The following ZNF366 variants were observed in gnomAD, a reference collection of about 807,000 sequenced individuals.
ZNF366 encodes the protein dendritic cell-specific transcript protein.
In ZNF366, 20 loss-of-function variants were observed where a neutral mutation model predicts 47.2. That is an observed-to-expected ratio of 0.42 (90% CI 0.30 to 0.62). The LOEUF (loss-of-function observed/expected upper bound fraction) is 0.62. Among genes scored for constraint, ZNF366 ranks in the 20% least tolerant of loss-of-function variants. The pLI, the probability that ZNF366 is intolerant of heterozygous loss-of-function variation, is 0.16. For synonymous variants in ZNF366, 421 were observed against 395.1 expected, an observed-to-expected ratio of 1.07 and a Z score of -0.78; for missense variants, 987 against 976.3, an observed-to-expected ratio of 1.01 and a Z score of -0.15.
intron 3 of ZNF366, among the ~76,000 whole-genome samples, chr5:72,450,762 C>T (rs1404881104): frequency 6.6e-6 from 1 of 152,212 alleles, no homozygotes; most frequent in African/African-American, 2.4e-5. Flanking sequence ...ACTTGGCCTT[C>T]TCATCTTTCA....
chr5:72,501,678 AC>A (rs1210342399), intron 1 of ZNF366, among the ~76,000 whole-genome samples: 1 of 152,158 alleles, frequency 6.6e-6, no homozygotes, highest in African/African-American at 2.4e-5. Flanking sequence ...CCTATAACAA[AC>A]CAGAGAGCTG....
Position 72,460,809 on chromosome 5 carries a change from C to T in ZNF366, c.688G>A (p.Glu230Lys). The stretch of plus-strand genomic sequence containing the variant: ...ATCTGCACGTTCACGTCCACCCTCT[C>T]CACCTTCTGCTTGGTCTCCTCGCTC... ...QESEETKQKV[E>K]RVDVNVQIDD... Residue 230 changes from glutamate (E) to lysine (K), a missense_variant, in exon 2 of 5, where the codon GAG (glutamate) becomes AAG (lysine). Around this residue, in one of 3 missense-constraint regions of ZNF366, gnomAD observed 591 missense variants for 560.9 expected, o/e 1.05. Transcript: ENST00000318442. The T allele has an allele frequency of 6.2e-7, 1 of 1,614,206 alleles. No individual in the cohort carries two copies. The highest frequency in any genetic ancestry group is 8.5e-7 in the Non-Finnish European group (1 of 1,180,042).
rs771495060 is a variant in ZNF366 at position 72,461,451 on chromosome 5, C to T, written c.46G>A (p.Asp16Asn). The part of the protein sequence containing the change: ...KMIKDEDVHF[D>N]LAVKKTPSFP... ...GAGGGGGTCTTCTTCACAGCCAAGT[C>T]GAAATGCACATCCTCGTCTTTGATC... is the stretch of plus-strand genomic sequence containing the variant. Residue 16 changes from aspartate to asparagine, a missense_variant, in exon 2 of 5, where the codon GAC becomes AAC. Asp to Asn is a conservative substitution (Grantham distance 23). Transcript: ENST00000318442. 2.1e-5 allele frequency: 33 copies of T among 1,595,228 alleles called. No individual in the cohort carries two copies. The highest frequency in any genetic ancestry group is 1.4e-4 in the Admixed American group (8 of 58,368).
At position 72,461,109 on chromosome 5, in the gene ZNF366, C is replaced by A. The variant is rs746136677; in HGVS notation, c.388G>T (p.Asp130Tyr). 6.2e-7 allele frequency: 1 copy of A among 1,613,956 alleles called. No individual in the cohort carries two copies. Among genetic ancestry groups the A allele is most frequent in the South Asian group, 1.1e-5 (1 of 91,072 alleles). The change falls in exon 2 of 5, where the codon GAC (aspartate) becomes TAC (tyrosine). Residue 130 changes from aspartate to tyrosine, a missense_variant. Physicochemically the swap from Asp to Tyr is radical, Grantham distance 160. Coordinates refer to ENST00000318442, the MANE Select transcript of ZNF366 (RefSeq NM_152625.3). ...PRPKYDSQMI[D>Y]LCNVGFQFYR... ...AATTGGAAGCCCACGTTGCACAGGTCGATCATCTGAGAGTCATACTTGGGG... is the reference window on the plus strand; with the variant it reads ...AATTGGAAGCCCACGTTGCACAGGTAGATCATCTGAGAGTCATACTTGGGG...
chr5:72,461,413 G>A lies in ZNF366; in HGVS notation c.84C>T (p.Cys28=). The change falls in exon 2 of 5, where the codon TGC becomes TGT. Residue 28 remains cysteine, a synonymous_variant. Transcript: ENST00000318442. ...TTCCCCGAGAAGCCACTGGCTGCAG[G>A]CAGTGGGGAAAGGAGGGGGTCTTCT... ...AVKKTPSFPH[C]LQPVASRGKA... is the part of the protein sequence containing the mutation. The A allele has an allele frequency of 1.2e-6, 2 of 1,612,646 alleles. No individual in the cohort carries two copies. The highest frequency in any genetic ancestry group is 1.7e-6 in the Non-Finnish European group (2 of 1,178,820).
At chr5:72,507,180 G>A in intron 1 of ZNF366, 71 bp downstream of exon 1, 1 of 977,086 alleles carries the variant, frequency 1.0e-6, no homozygotes, top group Non-Finnish European at 1.2e-6. Flanking sequence ...ATTTTCTGTT[G>A]AAGATGCCCA....
At chr5:72,471,237 G>GA (rs111234382) in intron 1 of ZNF366, among the ~76,000 whole-genome samples, 43 of 152,250 alleles carry the variant, frequency 2.8e-4, no homozygotes, top group African/African-American at 1.0e-3. Context: ...ATTTTATGTA[G>GA]TAGACTTCTT....
At chr5:72,484,434 A>G (rs1469784551) in intron 1 of ZNF366, among the ~76,000 whole-genome samples, 1 of 148,822 alleles carries the variant, frequency 6.7e-6, no homozygotes, top group Non-Finnish European at 1.5e-5. Context: ...CAGTGAGCCG[A>G]GATCCCGCCA....
In ZNF366 at chr5:72,444,202, G is replaced by C. The variant is rs765206236; in HGVS notation, c.1789C>G (p.Arg597Gly). 5 of 1,613,438 alleles carry C rather than the reference G, an allele frequency of 3.1e-6. No homozygotes were observed. The highest frequency in any genetic ancestry group is 3.4e-6 in the Non-Finnish European group (4 of 1,180,024). The change falls in exon 5 of 5, where the codon CGC (arginine) becomes GGC (glycine). Residue 597 changes from arginine (R) to glycine (G), a missense_variant. Transcript: ENST00000318442. ...TGGAACACCGGCACCTTGGCCCGGC[G>C]CTTCTGAGAGAGGTCAAAGGGCTCC... The part of the protein sequence containing the change: ...QEEPFDLSQK[R>G]RAKVPVFQSD...
At chr5:72,456,146 T>C (rs1395279786) in intron 3 of ZNF366, among the ~76,000 whole-genome samples, 1 of 152,166 alleles carries the variant, frequency 6.6e-6, no homozygotes, top group Non-Finnish European at 1.5e-5. Flanking sequence ...GACCTTTCCC[T>C]AGTGCCTGGC....
At chr5:72,505,316 G>C (rs756914332) in intron 1 of ZNF366, among the ~76,000 whole-genome samples, 1 of 152,080 alleles carries the variant, frequency 6.6e-6, no homozygotes, top group African/African-American at 2.4e-5. Context: ...TTTATTCTTC[G>C]GGTAGCTAAA....
chr5:72,503,192 C>T (rs1437620063), intron 1 of ZNF366, among the ~76,000 whole-genome samples: 4 of 152,158 alleles, frequency 2.6e-5, no homozygotes, highest in Admixed American at 1.3e-4. Flanking sequence ...TTGTGATTTA[C>T]ATATGGTTCT....
chr5:72,498,393 T>C (rs77098009), intron 1 of ZNF366, among the ~76,000 whole-genome samples: 1,533 of 152,294 alleles, frequency 0.01, 18 homozygotes, highest in African/African-American at 0.035. Flanking sequence ...CCCATATACA[T>C]TTTAGTTCAC....
At chr5:72,459,857 T>C (rs1375113538) in intron 2 of ZNF366, among the ~76,000 whole-genome samples, 2 of 152,236 alleles carry the variant, frequency 1.3e-5, no homozygotes, top group African/African-American at 2.4e-5. Context: ...AAACCGAATC[T>C]GCAAGATTCT....
intron 1 of ZNF366, among the ~76,000 whole-genome samples, chr5:72,501,523 G>A (rs564936907): frequency 1.4e-4 from 21 of 152,174 alleles, no homozygotes; most frequent in Non-Finnish European, 2.9e-4. Flanking sequence ...CAGTGGTTTT[G>A]GCCTTCTTCA....
At chr5:72,505,371 T>C (rs749946233) in intron 1 of ZNF366, among the ~76,000 whole-genome samples, 4 of 152,238 alleles carry the variant, frequency 2.6e-5, no homozygotes, top group Non-Finnish European at 2.9e-5. Flanking sequence ...CAGCAATGAC[T>C]TAACAACTTA....
chr5:72,447,385 G>T lies in ZNF366; in HGVS notation c.1557C>A (p.Asn519Lys), dbSNP rs758434118. ...AGTGCAGGTGCATGTGGCCCATCAGGTTGTGCATCCGGTTGAATTCCTTCC... is the reference window on the plus strand; with the variant it reads ...AGTGCAGGTGCATGTGGCCCATCAGTTTGTGCATCCGGTTGAATTCCTTCC... ...LCGKEFNRMH[N>K]LMGHMHLHSD... Residue 519 changes from asparagine (N) to lysine (K), a missense_variant, in exon 4 of 5, where the codon AAC becomes AAA. Around this residue, in one of 3 missense-constraint regions of ZNF366, gnomAD observed 111 missense variants for 180.5 expected, o/e 0.61. Transcript: ENST00000318442. 1 of 1,614,218 alleles carries T rather than the reference G, an allele frequency of 6.2e-7. No individual in the cohort carries two copies.
At chr5:72,500,439 G>A (rs1053967427) in intron 1 of ZNF366, among the ~76,000 whole-genome samples, 22 of 152,224 alleles carry the variant, frequency 1.4e-4, no homozygotes, top group African/African-American at 5.3e-4. Flanking sequence ...GAAAGGCCTA[G>A]AAATCTGCCC....
At position 72,440,217 on chromosome 5, in the gene ZNF366, G is replaced by GCA. The variant is rs1742828356; in HGVS notation, c.*3537_*3538dup. 6.6e-6 allele frequency: 1 copy of GCA among 152,164 alleles called. No homozygotes were observed. The highest frequency in any genetic ancestry group is 1.5e-5 in the Non-Finnish European group (1 of 68,024). The allele number at this position is 152,164 out of a possible 1,614,324, so 9.4% of individuals were successfully genotyped here. ...GTTCAGGGCTTAATAAATACAGTAT[G>GCA]CACATTGAGCTTTCTCATGCAACTA... On this transcript the variant is annotated 3_prime_UTR_variant, in exon 5 of 5. Coordinates refer to ENST00000318442, the MANE Select transcript of ZNF366 (RefSeq NM_152625.3).
Sources: allele counts gnomAD v4.1 joint callset (sites outside exome capture counted in the v4.1 genomes callset), GRCh38; gene constraint gnomAD v4.1.1; regional missense constraint gnomAD v4.1.1; transcripts MANE v1.5; gene names NCBI Gene and HGNC (gene_info 2026-07-23, HGNC 2026-07-21).